Variants in ANGPT1 observed in about 807,000 individuals in gnomAD.
ANGPT1 encodes the protein angiopoietin 1, also known as angiopoietin-1.
A neutral mutation model predicts 62.2 loss-of-function variants in ANGPT1; 17 were observed. The observed-to-expected ratio is 0.27, with a 90% CI of 0.19 to 0.41. The LOEUF (loss-of-function observed/expected upper bound fraction) is 0.41, where lower values mean the gene tolerates loss of function less well. ANGPT1 is among the 10% of genes least tolerant of loss of function. ANGPT1 has a pLI of 1.00. For missense variants in ANGPT1, 478 were observed against 594.9 expected (o/e 0.80, Z 2.04); for synonymous variants, 199 against 198.9 (o/e 1.00, Z 0.00).
chr8:107,477,307 C>T (rs564528980), intron 1 of ANGPT1, among the ~76,000 whole-genome samples: 1 of 152,194 alleles, frequency 6.6e-6, no homozygotes, highest in Non-Finnish European at 1.5e-5. Context: ...TCACAGTTTG[C>T]ACAAAGTTAA....
rs149637762 is a variant in ANGPT1 at position 107,260,871 on chromosome 8, G to A, written c.1336+3350C>T. On this transcript the variant is annotated intron_variant, in intron 8 of 8. Coordinates refer to ENST00000517746, the MANE Select transcript of ANGPT1 (RefSeq NM_001146.5). ...ATAATTATGGATGAAAGAACATGAC[G>A]AAGTTCAATCATTTAAAGCAGAAAT... 9.7e-4 allele frequency among the ~76,000 whole-genome samples: 147 copies of A among 152,302 alleles called. 1 individual carries two copies. The East Asian group carries it at 0.025, about 26-fold the overall frequency.
rs1813232736 is a variant in ANGPT1, at chr8:107,250,764, T to A, written c.*1091A>T. 1 of 152,098 alleles carries A rather than the reference T, an allele frequency of 6.6e-6. No individual in the cohort carries two copies. The highest frequency in any genetic ancestry group is 1.5e-5 in the Non-Finnish European group (1 of 67,972). 9.4% of individuals were successfully genotyped at this position (152,098 alleles called of 1,614,324 possible). A position where few individuals can be genotyped will look rare whatever the true frequency, so the allele number is the denominator to read the frequency against. ...ACAGTGTGAATCTGGTAAGCATGTT[T>A]CAGTTAATTAGCAAAATTTAAATTA... On this transcript the variant is annotated 3_prime_UTR_variant, in exon 9 of 9. Coordinates refer to ENST00000517746, the MANE Select transcript of ANGPT1 (RefSeq NM_001146.5).
At chr8:107,282,588 ATATATATG>A (rs1202972810) in intron 7 of ANGPT1, among the ~76,000 whole-genome samples, 1 of 132,866 alleles carries the variant, frequency 7.5e-6, no homozygotes, top group African/African-American at 2.8e-5. Flanking sequence ...ATATATATAT[ATATATATG>A]AGCCTCAGCT....
At chr8:107,459,992 G>A (rs1339205127) in intron 1 of ANGPT1, among the ~76,000 whole-genome samples, 1 of 152,180 alleles carries the variant, frequency 6.6e-6, no homozygotes, top group Non-Finnish European at 1.5e-5. Flanking sequence ...ATTGTTGGCA[G>A]ACTTGACCTG....
chr8:107,475,333 G>T (rs1812488932), intron 1 of ANGPT1, among the ~76,000 whole-genome samples: 1 of 152,084 alleles, frequency 6.6e-6, no homozygotes, highest in Non-Finnish European at 1.5e-5. Context: ...AAGAAATAGG[G>T]GAAAGCATTC....
intron 1 of ANGPT1, among the ~76,000 whole-genome samples, chr8:107,428,913 T>C (rs561204037): frequency 2.6e-4 from 39 of 152,330 alleles, no homozygotes; most frequent in African/African-American, 8.9e-4. Context: ...AAGTGATTCA[T>C]TCAATATTGC....
At chr8:107,495,921 A>G (rs1034707174) in intron 1 of ANGPT1, among the ~76,000 whole-genome samples, 3 of 152,184 alleles carry the variant, frequency 2.0e-5, no homozygotes, top group Non-Finnish European at 2.9e-5. Flanking sequence ...TTACAATATC[A>G]GCTTTGGAAA....
chr8:107,472,681 A>G (rs1223812977), intron 1 of ANGPT1, among the ~76,000 whole-genome samples: 1 of 152,022 alleles, frequency 6.6e-6, no homozygotes, highest in African/African-American at 2.4e-5. Context: ...CTCATTTCAT[A>G]GACACAGAAA....
At chr8:107,365,328 T>C (rs1283659) in intron 1 of ANGPT1, among the ~76,000 whole-genome samples, 63,927 of 152,074 alleles carry the variant, frequency 0.42, 15,668 homozygotes, top group Admixed American at 0.55. Flanking sequence ...CTCTCCCCCA[T>C]GAGAAGTAGT....
At chr8:107,486,602 A>G (rs1812821163) in intron 1 of ANGPT1, among the ~76,000 whole-genome samples, 1 of 152,210 alleles carries the variant, frequency 6.6e-6, no homozygotes. Flanking sequence ...ATTTATGTGT[A>G]TTATGCTTGC....
intron 1 of ANGPT1, among the ~76,000 whole-genome samples, chr8:107,365,926 T>C (rs1257788932): frequency 6.6e-6 from 1 of 151,068 alleles, no homozygotes; most frequent in Non-Finnish European, 1.5e-5. Context: ...AATAAAAGTT[T>C]CATTAAAAAA....
intron 1 of ANGPT1, among the ~76,000 whole-genome samples, chr8:107,456,322 T>C (rs1054046078): frequency 2.0e-5 from 3 of 152,070 alleles, no homozygotes; most frequent in Non-Finnish European, 4.4e-5. Flanking sequence ...CATATTTCTC[T>C]TTAAAAAGAA....
chr8:107,461,851 G>A (rs1812080938), intron 1 of ANGPT1, among the ~76,000 whole-genome samples: 2 of 152,058 alleles, frequency 1.3e-5, no homozygotes, highest in African/African-American at 2.4e-5. Flanking sequence ...TATACACAAT[G>A]TTAGATAGCA....
chr8:107,399,257 C>T (rs1816996191), intron 1 of ANGPT1, among the ~76,000 whole-genome samples: 1 of 152,114 alleles, frequency 6.6e-6, no homozygotes, highest in Admixed American at 6.5e-5. Flanking sequence ...CCATCATCAA[C>T]AACAGTCTTT....
chr8:107,308,272 CT>C lies in ANGPT1; in HGVS notation c.809-4906del, dbSNP rs1454313063. ...TAGGACAAAACTCAATTCAAGGTGG[CT>C]TAAGCAAAAAGATAATTTATTGGAT... On this transcript the variant is annotated intron_variant, in intron 4 of 8. Coordinates refer to ENST00000517746, the MANE Select transcript of ANGPT1 (RefSeq NM_001146.5). 6.6e-5 allele frequency among the ~76,000 whole-genome samples: 10 copies of C among 152,208 alleles called. No homozygotes were observed. The East Asian group carries it at 1.7e-3, about 26-fold the overall frequency.
chr8:107,363,520 A>G (rs1816211047), intron 1 of ANGPT1, among the ~76,000 whole-genome samples: 1 of 152,172 alleles, frequency 6.6e-6, no homozygotes, highest in Non-Finnish European at 1.5e-5. Flanking sequence ...TGTTAGCTCT[A>G]AGCTGGCAAC....
intron 8 of ANGPT1, among the ~76,000 whole-genome samples, chr8:107,257,876 G>GTTTTTTGTTTTTTTTT (rs1371396961): frequency 3.5e-5 from 3 of 85,300 alleles, no homozygotes; most frequent in African/African-American, 1.4e-4. Flanking sequence ...ACTTGTTTTT[G>GTTTTTTGTTTTTTTTT]TTTCTTTTTT....
intron 1 of ANGPT1, among the ~76,000 whole-genome samples, chr8:107,355,424 G>A (rs910124588): frequency 2.0e-5 from 3 of 152,092 alleles, no homozygotes; most frequent in Non-Finnish European, 4.4e-5. Context: ...GCACAGATTT[G>A]GCTTTGTCAT....
At chr8:107,423,210 T>TC (rs1480889737) in intron 1 of ANGPT1, among the ~76,000 whole-genome samples, 2 of 152,038 alleles carry the variant, frequency 1.3e-5, no homozygotes, top group Non-Finnish European at 2.9e-5. Flanking sequence ...TACTTTCTCT[T>TC]CCCCCCTACT....
Sources: gnomAD v4.1 joint callset for allele counts (sites outside exome capture counted in the v4.1 genomes callset) on GRCh38, gnomAD v4.1.1 for gene constraint, MANE v1.5 for transcripts, NCBI Gene and HGNC (gene_info 2026-07-23, HGNC 2026-07-21) for gene names.